The following EPHB1 variants were observed in gnomAD, a reference collection of about 807,000 sequenced individuals.
EPHB1 encodes EPH receptor B1.
In EPHB1, 30 loss-of-function variants were observed where a neutral mutation model predicts 94.4. The observed-to-expected ratio is 0.32, with a 90% CI of 0.24 to 0.43. The LOEUF is 0.43. EPHB1 is among the 20% of genes least tolerant of loss of function. EPHB1 has a pLI of 1.00. For synonymous variants in EPHB1, 522 were observed against 489.1 expected (o/e 1.07, Z -0.89); for missense variants, 1,055 against 1,308.3 (o/e 0.81, Z 2.99).
intron 3 of EPHB1, among the ~76,000 whole-genome samples, chr3:135,027,020 G>C (rs1410862825): frequency 7.6e-6 from 1 of 131,206 alleles, no homozygotes; most frequent in Non-Finnish European, 1.6e-5. Context: ...CTGTTTGTCT[G>C]TTGTTGGTGT....
chr3:134,824,262 G>A (rs1578115778), intron 1 of EPHB1, among the ~76,000 whole-genome samples: 2 of 151,670 alleles, frequency 1.3e-5, no homozygotes, highest in Admixed American at 6.6e-5. Context: ...ACAATGAGGC[G>A]GAGCCAGTCG....
intron 1 of EPHB1, among the ~76,000 whole-genome samples, chr3:134,868,034 A>G (rs769239520): frequency 4.6e-5 from 7 of 152,232 alleles, no homozygotes; most frequent in Non-Finnish European, 1.0e-4. Context: ...CACCGCAGCC[A>G]TGGAGAAGAC....
Position 134,951,839 on chromosome 3 carries a change from A to C in EPHB1, c.592A>C (p.Ser198Arg). ...CCGTGTCTTCTTCAAAAAGTGTCCC[A>C]GCATTGTGCAAAATTTTGCAGTGTT... Reference protein sequence around the residue: ...SVRVFFKKCPSIVQNFAVFPE... With the variant: ...SVRVFFKKCPRIVQNFAVFPE... Residue 198 changes from serine to arginine, a missense_variant, in exon 3 of 16, where the codon AGC becomes CGC. By Grantham distance (110) the Ser-to-Arg change is moderately radical. Transcript: ENST00000398015. This position sits in a 1 kb window ranked among gnomAD's most constrained non-coding sequence, Gnocchi z 4.5. 3 of 1,614,018 alleles carry C rather than the reference A, an allele frequency of 1.9e-6. No individual in the cohort carries two copies. The South Asian group carries it at 3.3e-5, about 18-fold the overall frequency.
intron 2 of EPHB1, among the ~76,000 whole-genome samples, chr3:134,943,969 A>G (rs934734168): frequency 2.0e-5 from 3 of 152,238 alleles, no homozygotes; most frequent in Admixed American, 6.5e-5. Context: ...TTTACCTGCA[A>G]TAAATTCACT....
intron 13 of EPHB1, among the ~76,000 whole-genome samples, chr3:135,247,596 C>T (rs569128495): frequency 2.0e-5 from 3 of 152,190 alleles, no homozygotes; most frequent in Non-Finnish European, 4.4e-5. Flanking sequence ...ATGTACTTAA[C>T]GTTCCTAAAA....
intron 3 of EPHB1, among the ~76,000 whole-genome samples, chr3:134,994,818 A>T (rs1177148521): frequency 1.3e-5 from 2 of 152,242 alleles, no homozygotes; most frequent in Admixed American, 1.3e-4. Flanking sequence ...TGAGATAATT[A>T]TGTATTCTCA....
intron 1 of EPHB1, among the ~76,000 whole-genome samples, chr3:134,914,971 G>A (rs931901009): frequency 4.6e-5 from 7 of 152,154 alleles, no homozygotes; most frequent in Non-Finnish European, 1.0e-4. Flanking sequence ...GGACAGGGAA[G>A]AGAAGGGTAG....
At chr3:135,206,406 C>T (rs1020096572) in intron 12 of EPHB1, among the ~76,000 whole-genome samples, 1 of 152,170 alleles carries the variant, frequency 6.6e-6, no homozygotes, top group African/African-American at 2.4e-5. Context: ...TCATCCTTGA[C>T]ATATTAAGTT....
chr3:134,921,672 A>G (rs890069235), intron 1 of EPHB1, among the ~76,000 whole-genome samples: 4 of 152,284 alleles, frequency 2.6e-5, no homozygotes, highest in Admixed American at 2.6e-4. Flanking sequence ...TACTTTATCG[A>G]TATCATATAG....
intron 3 of EPHB1, among the ~76,000 whole-genome samples, chr3:135,004,350 C>T (rs1289420969): frequency 2.6e-5 from 4 of 151,744 alleles, no homozygotes; most frequent in African/African-American, 9.7e-5. Flanking sequence ...ATGGTCTTCC[C>T]TTTGAGGGTA....
chr3:135,063,942 T>A (rs773840762), intron 3 of EPHB1, among the ~76,000 whole-genome samples: 1 of 152,210 alleles, frequency 6.6e-6, no homozygotes, highest in Non-Finnish European at 1.5e-5. Flanking sequence ...TCTGCATCTA[T>A]TGAGATGATT....
chr3:135,248,436 G>GAGAT lies in EPHB1; in HGVS notation c.2618_2621dup (p.Val875AspfsTer7). ...CCGGAACAGCCGGCCCCGGTTTGCG[G>GAGAT]AGATTGTCAACACCCTAGATAAGAT... On this transcript the variant is annotated frameshift_variant, in exon 14 of 16. Transcript: ENST00000398015. LOFTEE classifies it high-confidence loss of function. The GAGAT allele has an allele frequency of 6.2e-7, 1 of 1,613,906 alleles. No homozygotes were observed.
chr3:135,254,724 G>A (rs1218867398), intron 15 of EPHB1, among the ~76,000 whole-genome samples: 2 of 152,040 alleles, frequency 1.3e-5, no homozygotes, highest in Non-Finnish European at 2.9e-5. Flanking sequence ...AATGATGCTG[G>A]CCTCATAAAA....
intron 1 of EPHB1, among the ~76,000 whole-genome samples, chr3:134,884,177 G>C (rs2037816029): frequency 6.6e-6 from 1 of 152,228 alleles, no homozygotes; most frequent in Non-Finnish European, 1.5e-5. Context: ...CAGCACTCCA[G>C]TGTGAGTCAC....
chr3:135,119,660 C>A (rs1939867668), intron 4 of EPHB1, among the ~76,000 whole-genome samples: 1 of 152,080 alleles, frequency 6.6e-6, no homozygotes, highest in Non-Finnish European at 1.5e-5. Flanking sequence ...CCATGTTGGC[C>A]AGACCGGTCT....
intron 5 of EPHB1, among the ~76,000 whole-genome samples, chr3:135,143,030 G>A (rs1940881318): frequency 6.6e-6 from 1 of 152,168 alleles, no homozygotes; most frequent in Admixed American, 6.5e-5. Flanking sequence ...ATCATAAACT[G>A]TCATCAGGTG....
intron 3 of EPHB1, among the ~76,000 whole-genome samples, chr3:135,033,814 C>G (rs1373733201): frequency 6.6e-6 from 1 of 152,192 alleles, no homozygotes; most frequent in Non-Finnish European, 1.5e-5. Flanking sequence ...ATGGAGAAGG[C>G]ACCATCCAAG....
intron 1 of EPHB1, among the ~76,000 whole-genome samples, chr3:134,882,787 TTTC>T (rs1226193211): frequency 2.9e-5 from 2 of 68,090 alleles, no homozygotes; most frequent in Non-Finnish European, 6.8e-5. Flanking sequence ...TCTTTCTTTC[TTTC>T]TTTCTTTCTT....
intron 4 of EPHB1, among the ~76,000 whole-genome samples, chr3:135,122,252 T>C (rs1015442881): frequency 4.6e-5 from 7 of 152,192 alleles, no homozygotes; most frequent in African/African-American, 1.7e-4. Context: ...AGAAGATAAG[T>C]GACTGCTTAA....
Sources: gnomAD v4.1 joint callset for allele counts (sites outside exome capture counted in the v4.1 genomes callset) on GRCh38, gnomAD v4.1.1 for gene constraint, Gnocchi (gnomAD v3.1) non-coding constraint, MANE v1.5 for transcripts, NCBI Gene and HGNC (gene_info 2026-07-23, HGNC 2026-07-21) for gene names.